The following PDE12 variants were observed in gnomAD, a reference collection of about 807,000 sequenced individuals.
PDE12 encodes 2',5'-phosphodiesterase 12.
In PDE12, 26 loss-of-function variants were observed where a neutral mutation model predicts 45.4. That is an observed-to-expected ratio of 0.57 (90% confidence interval 0.42 to 0.79). The LOEUF is 0.79. Ranked by LOEUF, PDE12 falls within the 30% of genes least tolerant of loss-of-function variation. The pLI is 0.00. For missense variants in PDE12, 668 were observed against 790.0 expected (o/e 0.85, Z 1.85); for synonymous variants, 283 against 323.9 (o/e 0.87, Z 1.36).
At chr3:57,584,321 T>C in the PDE12 span, 2 of 1,325,822 alleles carry the variant, frequency 1.5e-6, no homozygotes, top group Non-Finnish European at 2.1e-6. Context: ...ATCTCAAAAC[T>C]AGACTGTATA....
chr3:57,559,366 C>G lies in PDE12; in HGVS notation c.1365C>G (p.Thr455=), dbSNP rs1226782760. ...DSSKRICVAN[T]HLYWHPKGGY... ...CTAAAAGGATATGTGTTGCTAATAC[C>G]CATCTTTACTGGCATCCTAAAGGTA... Residue 455 remains threonine, a synonymous_variant, in exon 2 of 3, where the codon ACC becomes ACG. Coordinates refer to ENST00000311180, the MANE Select transcript of PDE12 (RefSeq NM_177966.7). 1.9e-6 allele frequency: 3 copies of G among 1,611,730 alleles called. No individual in the cohort carries two copies. Among genetic ancestry groups the G allele is most frequent in the Non-Finnish European group, 2.5e-6 (3 of 1,177,968 alleles).
chr3:57,595,206 G>A, the PDE12 span, among the ~76,000 whole-genome samples: 1 of 152,084 alleles, frequency 6.6e-6, no homozygotes, highest in Non-Finnish European at 1.5e-5. Context: ...TTGCCCCTCT[G>A]ATACTTTCAT....
At chr3:57,557,709 C>T (rs2069682621) in intron 1 of PDE12, 22 bp downstream of exon 1, 4 of 1,595,372 alleles carry the variant, frequency 2.5e-6, no homozygotes, top group Non-Finnish European at 3.4e-6. Context: ...CCGCCCGTCT[C>T]TTCACATACT....
At chr3:57,643,614 G>A in the PDE12 span, among the ~76,000 whole-genome samples, 2 of 151,928 alleles carry the variant, frequency 1.3e-5, no homozygotes, top group African/African-American at 2.4e-5. Flanking sequence ...GATCACTTGA[G>A]GTCAGGAGTT....
the PDE12 span, among the ~76,000 whole-genome samples, chr3:57,608,655 T>A: frequency 6.6e-6 from 1 of 151,954 alleles, no homozygotes; most frequent in Non-Finnish European, 1.5e-5. Flanking sequence ...CATTACATAA[T>A]GGTAAAGGGA....
the PDE12 span, among the ~76,000 whole-genome samples, chr3:57,616,889 T>TG: frequency 6.6e-6 from 1 of 151,720 alleles, no homozygotes. Flanking sequence ...CTAGGCATGG[T>TG]GGTGCATGCC....
At chr3:57,648,526 C>A in the PDE12 span, among the ~76,000 whole-genome samples, 1 of 152,126 alleles carries the variant, frequency 6.6e-6, no homozygotes, top group Non-Finnish European at 1.5e-5. Context: ...TCCTAAAATT[C>A]ATATGGAACC....
the PDE12 span, among the ~76,000 whole-genome samples, chr3:57,598,389 A>C: frequency 0.043 from 6,593 of 152,222 alleles, 196 homozygotes; most frequent in South Asian, 0.1. Flanking sequence ...TTATTTTTAT[A>C]TTTTTGAAGG....
At chr3:57,586,223 T>G in the PDE12 span, among the ~76,000 whole-genome samples, 1 of 152,214 alleles carries the variant, frequency 6.6e-6, no homozygotes, top group Non-Finnish European at 1.5e-5. Flanking sequence ...TCTGGCCGCC[T>G]GGGTTTATCT....
At chr3:57,569,576 G>T (rs2069816247), downstream of PDE12, among the ~76,000 whole-genome samples, 1 of 151,968 alleles carries the variant, frequency 6.6e-6, no homozygotes, top group Admixed American at 6.6e-5. Flanking sequence ...GTCTGGTCTT[G>T]AACTCCCAAC....
chr3:57,557,344 C>T lies in PDE12; in HGVS notation c.965C>T (p.Ala322Val). Residue 322 changes from alanine (A) to valine (V), a missense_variant, in exon 1 of 3, where the codon GCC becomes GTC. Ala to Val is a moderately conservative substitution (Grantham distance 64). Transcript: ENST00000311180. ...FSRTVLYPYC[A>V]PYALELDYRQ... Reference sequence around the variant, plus strand: ...CGAACGGTTCTGTACCCATACTGTGCCCCCTACGCCCTGGAGCTCGACTAC... The same window carrying T: ...CGAACGGTTCTGTACCCATACTGTGTCCCCTACGCCCTGGAGCTCGACTAC... 6.2e-7 allele frequency: 1 copy of T among 1,613,940 alleles called. No individual in the cohort carries two copies. Among genetic ancestry groups the T allele is most frequent in the African/African-American group, 1.3e-5 (1 of 75,010 alleles).
chr3:57,642,962 C>T, the PDE12 span, among the ~76,000 whole-genome samples: 66 of 148,454 alleles, frequency 4.4e-4, no homozygotes, highest in Non-Finnish European at 8.3e-4. Context: ...GCCAAGATCG[C>T]GCCATCACAC....
At chr3:57,558,069 A>G (rs767498245) in intron 1 of PDE12, among the ~76,000 whole-genome samples, 4 of 152,212 alleles carry the variant, frequency 2.6e-5, no homozygotes, top group East Asian at 1.9e-4. Flanking sequence ...GAAGTGCTCC[A>G]TAAATATAAA....
At chr3:57,651,664 A>G in the PDE12 span, among the ~76,000 whole-genome samples, 70 of 152,144 alleles carry the variant, frequency 4.6e-4, 1 homozygote, top group South Asian at 0.01. Flanking sequence ...TGATATGATA[A>G]TTACAAACCA....
the PDE12 span, chr3:57,646,215 G>T: frequency 5.4e-6 from 8 of 1,472,684 alleles, no homozygotes; most frequent in Non-Finnish European, 4.6e-6. Flanking sequence ...TAATGGGTGG[G>T]GAAAAATACG....
the PDE12 span, among the ~76,000 whole-genome samples, chr3:57,609,880 T>C: frequency 1.6e-4 from 24 of 152,154 alleles, no homozygotes; most frequent in Admixed American, 3.3e-4. Flanking sequence ...CATAACTCAT[T>C]TTATGAGGCC....
chr3:57,625,616 G>T, the PDE12 span: 2 of 152,144 alleles, frequency 1.3e-5, no homozygotes, highest in Non-Finnish European at 2.9e-5. Context: ...TAATGTCAGG[G>T]TTTACATAGT....
chr3:57,636,707 C>A, the PDE12 span, among the ~76,000 whole-genome samples: 1 of 152,130 alleles, frequency 6.6e-6, no homozygotes, highest in East Asian at 1.9e-4. Flanking sequence ...AAAGCTGAGG[C>A]GGGTGGATCA....
chr3:57,557,815 G>A, intron 1 of PDE12, 128 bp downstream of exon 1: 2 of 833,700 alleles, frequency 2.4e-6, no homozygotes, highest in South Asian at 1.8e-5. Flanking sequence ...GTTTGCCCTT[G>A]TATCTTCAGC....
Sources: allele counts gnomAD v4.1 joint callset (sites outside exome capture counted in the v4.1 genomes callset), GRCh38; gene constraint gnomAD v4.1.1; transcripts MANE v1.5; gene names NCBI Gene and HGNC (gene_info 2026-07-23, HGNC 2026-07-21).